The following PARD3B variants were observed in gnomAD, a reference collection of about 807,000 sequenced individuals.
The protein encoded by PARD3B is partitioning defective 3 homolog B.
In PARD3B, 103 loss-of-function variants were observed where a neutral mutation model predicts 130.2. The observed-to-expected ratio is 0.79, with a 90% confidence interval of 0.67 to 0.93. The LOEUF is 0.93. Ranked by LOEUF, PARD3B falls within the 40% of genes least tolerant of loss-of-function variation. The pLI is 0.00. For missense variants in PARD3B, 1,609 were observed against 1,499.2 expected (o/e 1.07, Z -1.21); for synonymous variants, 583 against 553.2 (o/e 1.05, Z -0.76).
intron 2 of PARD3B, among the ~76,000 whole-genome samples, chr2:204,786,159 C>G (rs537972576): frequency 6.6e-6 from 1 of 151,024 alleles, no homozygotes; most frequent in East Asian, 2.0e-4. Flanking sequence ...CAACGAATCG[C>G]TATTCTCTTT....
intron 3 of PARD3B, among the ~76,000 whole-genome samples, chr2:205,023,597 G>T (rs1009731404): frequency 7.9e-6 from 1 of 126,340 alleles, no homozygotes; most frequent in Non-Finnish European, 1.5e-5. Flanking sequence ...GACCTTGTTC[G>T]CAGTTCCCAA....
At chr2:204,633,811 C>CA (rs1425686279) in intron 1 of PARD3B, among the ~76,000 whole-genome samples, 2 of 151,784 alleles carry the variant, frequency 1.3e-5, no homozygotes, top group Non-Finnish European at 2.9e-5. Flanking sequence ...GACTGTGTCT[C>CA]AAAAAAACAT....
chr2:204,873,763 C>G (rs2045728662), intron 2 of PARD3B, among the ~76,000 whole-genome samples: 2 of 151,936 alleles, frequency 1.3e-5, no homozygotes, highest in African/African-American at 2.4e-5. Context: ...ATTCTAGCTG[C>G]AAATAAGAAA....
At chr2:205,209,375 C>G (rs918610846) in intron 15 of PARD3B, among the ~76,000 whole-genome samples, 1 of 152,060 alleles carries the variant, frequency 6.6e-6, no homozygotes, top group Non-Finnish European at 1.5e-5. Context: ...CAAATGGGAT[C>G]TAATTAATCT....
intron 15 of PARD3B, among the ~76,000 whole-genome samples, chr2:205,219,739 G>C (rs1574425634): frequency 6.6e-6 from 1 of 152,150 alleles, no homozygotes; most frequent in Non-Finnish European, 1.5e-5. Context: ...GAGTTACTAC[G>C]TCTTTATGGT....
chr2:205,335,147 TCCCTCTC>T (rs2043264816), intron 18 of PARD3B, among the ~76,000 whole-genome samples: 1 of 152,128 alleles, frequency 6.6e-6, no homozygotes, highest in South Asian at 2.1e-4. Context: ...TATAAATAAG[TCCCTCTC>T]ATGGAATTTA....
At chr2:204,765,888 G>C (rs558477619) in intron 2 of PARD3B, among the ~76,000 whole-genome samples, 2 of 152,134 alleles carry the variant, frequency 1.3e-5, no homozygotes, top group African/African-American at 4.8e-5. Context: ...CAGCAATTTC[G>C]AGCCCATCGA....
intron 22 of PARD3B, among the ~76,000 whole-genome samples, chr2:205,588,703 T>C (rs1026376089): frequency 3.3e-5 from 5 of 152,256 alleles, no homozygotes; most frequent in Admixed American, 2.0e-4. Flanking sequence ...AATTGATACA[T>C]TTATTGTATA....
intron 12 of PARD3B, among the ~76,000 whole-genome samples, chr2:205,175,553 A>AG (rs2035419386): frequency 6.6e-6 from 1 of 152,202 alleles, no homozygotes; most frequent in Non-Finnish European, 1.5e-5. Flanking sequence ...CAAATGCTAT[A>AG]CTCAGAAGAG....
In PARD3B at chr2:204,611,318, A is replaced by G. The variant is rs2033913967; in HGVS notation, c.120+65199A>G. 4.6e-5 allele frequency among the ~76,000 whole-genome samples: 7 copies of G among 152,208 alleles called. No homozygotes were observed. The South Asian group carries it at 8.3e-4, about 18-fold the overall frequency. ...GAAACATCCTATTAAAATTTGCTAC[A>G]TAGTTAAAACTGACATTTTGACCCC... On this transcript the variant is annotated intron_variant, in intron 1 of 22. Transcript: ENST00000406610.
chr2:204,714,875 C>G (rs190323541), intron 2 of PARD3B, among the ~76,000 whole-genome samples: 1 of 152,130 alleles, frequency 6.6e-6, no homozygotes. Flanking sequence ...TAGTGAGGTG[C>G]TATAATTTTC....
At chr2:205,079,500 A>G (rs1329886594) in intron 4 of PARD3B, among the ~76,000 whole-genome samples, 1 of 152,154 alleles carries the variant, frequency 6.6e-6, no homozygotes. Context: ...AGGGACAAAA[A>G]AGGCTTCGCC....
At position 205,142,465 on chromosome 2, in the gene PARD3B, A is replaced by T. The variant is rs2033038799; in HGVS notation, c.1435-16257A>T. On this transcript the variant is annotated intron_variant, in intron 10 of 22. Coordinates refer to ENST00000406610, the MANE Select transcript of PARD3B (RefSeq NM_001302769.2). This position sits in a 1 kb window ranked among gnomAD's most constrained non-coding sequence, Gnocchi z 4.3. ...GAGAAGTGTCAACAAAACATGTATG[A>T]AGTCATCGCATAACGAATACTTACT... Among the ~76,000 whole-genome samples, 1 of 152,212 alleles carries T rather than the reference A, an allele frequency of 6.6e-6. No homozygotes were observed. Among genetic ancestry groups the T allele is most frequent in the Non-Finnish European group, 1.5e-5 (1 of 68,038 alleles).
intron 21 of PARD3B, among the ~76,000 whole-genome samples, chr2:205,501,625 A>G (rs1052325813): frequency 6.6e-6 from 1 of 152,218 alleles, no homozygotes; most frequent in Middle Eastern, 3.2e-3. Flanking sequence ...CAGCGCATTG[A>G]AAAGTGCTCT....
At chr2:205,131,252 A>C (rs957009291) in intron 10 of PARD3B, among the ~76,000 whole-genome samples, 27 of 152,220 alleles carry the variant, frequency 1.8e-4, no homozygotes, top group African/African-American at 5.5e-4. Flanking sequence ...TTTTCTACCT[A>C]AACTAATGTG....
At chr2:205,487,575 G>C (rs575041338) in intron 20 of PARD3B, among the ~76,000 whole-genome samples, 22 of 152,114 alleles carry the variant, frequency 1.4e-4, no homozygotes, top group Non-Finnish European at 2.8e-4. Context: ...GTAAGGAAAG[G>C]TTAGGTACCC....
At chr2:205,228,673 T>A (rs11889661) in intron 15 of PARD3B, among the ~76,000 whole-genome samples, 16,215 of 152,224 alleles carry the variant, frequency 0.11, 907 homozygotes, top group African/African-American at 0.14. Flanking sequence ...TAAAAAAATT[T>A]ACCCTTTGGG....
In PARD3B at chr2:205,078,926, G is replaced by A. The variant is rs570512751; in HGVS notation, c.505-25500G>A. Among the ~76,000 whole-genome samples, 4 of 152,196 alleles carry A rather than the reference G, an allele frequency of 2.6e-5. No individual in the cohort carries two copies. Among genetic ancestry groups the A allele is most frequent in the African/African-American group, 4.8e-5 (2 of 41,450 alleles). The stretch of plus-strand genomic sequence containing the variant: ...AGCTTCCAGCTCGCATCAATGGCCA[G>A]CCACGTAAGTGAGCCGTCATGGATG... On this transcript the variant is annotated intron_variant, in intron 4 of 22. Transcript: ENST00000406610. This position sits in a 1 kb window ranked among gnomAD's most constrained non-coding sequence, Gnocchi z 4.0.
At chr2:205,457,726 C>G (rs952568308) in intron 20 of PARD3B, among the ~76,000 whole-genome samples, 3 of 151,818 alleles carry the variant, frequency 2.0e-5, no homozygotes, top group African/African-American at 7.3e-5. Flanking sequence ...TTAAAGATAT[C>G]ATTCCATTGT....
Sources: allele counts gnomAD v4.1 joint callset (sites outside exome capture counted in the v4.1 genomes callset), GRCh38; gene constraint gnomAD v4.1.1; non-coding constraint Gnocchi (gnomAD v3.1); transcripts MANE v1.5; gene names NCBI Gene and HGNC (gene_info 2026-07-23, HGNC 2026-07-21).